PPP6C: variants seen among roughly 807,000 people sequenced by gnomAD.
PPP6C encodes protein phosphatase 6 catalytic subunit.
A neutral mutation model predicts 39.8 loss-of-function variants in PPP6C; 11 were observed. That is an observed-to-expected ratio of 0.28 (90% CI 0.17 to 0.46). PPP6C has a LOEUF of 0.46. PPP6C is among the 20% of genes least tolerant of loss of function. The probability of loss-of-function intolerance (pLI) is 1.00; values close to 1 mark genes in which losing one functional copy is unlikely to be tolerated. For missense variants in PPP6C, 211 were observed against 373.9 expected, an observed-to-expected ratio of 0.56 and a Z score of 3.59; for synonymous variants, 129 against 130.3, an observed-to-expected ratio of 0.99 and a Z score of 0.07.
chr9:125,188,815 A>AATAATAATAATG (rs1473427795), intron 1 of PPP6C: 19 of 394,970 alleles, frequency 4.8e-5, no homozygotes, highest in Non-Finnish European at 7.0e-5. Flanking sequence ...TAATAATAAT[A>AATAATAATAATG]ATAATTAAAA....
intron 6 of PPP6C, chr9:125,151,673 G>A (rs1835946238): frequency 1.9e-6 from 1 of 533,218 alleles, no homozygotes; most frequent in Non-Finnish European, 3.4e-6. Flanking sequence ...GAATTCAGCA[G>A]AAGACCCAGC....
At chr9:125,182,484 A>AGCT (rs1314124612) in intron 1 of PPP6C, among the ~76,000 whole-genome samples, 1 of 152,124 alleles carries the variant, frequency 6.6e-6, no homozygotes, top group Non-Finnish European at 1.5e-5. Context: ...TCAACTAGCT[A>AGCT]GCTAAGTAAC....
intron 1 of PPP6C, among the ~76,000 whole-genome samples, 172 bp from the exon 2 acceptor site, chr9:125,171,352 A>C (rs1021961161): frequency 2.6e-5 from 4 of 151,512 alleles, no homozygotes; most frequent in African/African-American, 9.7e-5. Flanking sequence ...TGTCACACAG[A>C]ATTCTTAATG....
chr9:125,158,460 C>T (rs1316656812), intron 3 of PPP6C, 78 bp from the exon 4 acceptor site: 6 of 1,365,718 alleles, frequency 4.4e-6, no homozygotes, highest in Non-Finnish European at 6.0e-6. Context: ...ACTGTACAAA[C>T]ATATAGTTTA....
Position 125,160,821 on chromosome 9 carries a change from T to C in PPP6C, c.237+20A>G, listed in dbSNP as rs753291041. On this transcript the variant is annotated intron_variant, in intron 3 of 6. Coordinates refer to ENST00000373547, the MANE Select transcript of PPP6C (RefSeq NM_002721.5). ...CTTTCCATTTTAAACAAGCACTTGA[T>C]ATCACTGGTGTTTACATACCATAAA... The C allele has an allele frequency of 4.0e-6, 6 of 1,512,104 alleles. No individual in the cohort carries two copies. Among genetic ancestry groups the C allele is most frequent in the Non-Finnish European group, 3.6e-6 (4 of 1,117,282 alleles). 93.7% of individuals were successfully genotyped at this position (1,512,104 alleles called of 1,614,324 possible). A position where few individuals can be genotyped will look rare whatever the true frequency, so the allele number is the denominator to read the frequency against.
At chr9:125,171,478 C>CACATATATATATAT (rs1171157245) in intron 1 of PPP6C, among the ~76,000 whole-genome samples, 10 of 83,506 alleles carry the variant, frequency 1.2e-4, no homozygotes, top group East Asian at 3.1e-4. Flanking sequence ...CACACACACA[C>CACATATATATATAT]ATATATATAT....
intron 4 of PPP6C, among the ~76,000 whole-genome samples, chr9:125,155,399 G>A (rs1486252834): frequency 2.6e-5 from 4 of 152,074 alleles, no homozygotes; most frequent in Admixed American, 6.6e-5. Context: ...ATATATCTAC[G>A]TGAAGCAAGA....
rs561922474 is a variant in PPP6C at position 125,184,136 on chromosome 9, C to T, written c.75+5508G>A. Among the ~76,000 whole-genome samples the T allele has an allele frequency of 4.5e-4, 69 of 152,062 alleles. 1 individual carries two copies. The highest frequency in any genetic ancestry group is 1.6e-3 in the African/African-American group (66 of 41,484). On this transcript the variant is annotated intron_variant, in intron 1 of 6. Transcript: ENST00000373547. ...GGCGCGGTGGCTAACGCCTATAATC[C>T]CTGCACTTTGGGAGGCCAAGGCGGG... is the stretch of plus-strand genomic sequence containing the variant.
At chr9:125,160,468 G>A (rs73579975) in intron 3 of PPP6C, among the ~76,000 whole-genome samples, 1 of 152,326 alleles carries the variant, frequency 6.6e-6, no homozygotes, top group East Asian at 1.9e-4. Flanking sequence ...ATGGGGGCAA[G>A]TCTTTCCTGT....
At chr9:125,180,890 C>T (rs573892371) in intron 1 of PPP6C, among the ~76,000 whole-genome samples, 1 of 152,266 alleles carries the variant, frequency 6.6e-6, no homozygotes, top group East Asian at 1.9e-4. Flanking sequence ...GAAACTCTGT[C>T]AATCTGAAAG....
At chr9:125,186,610 C>A (rs1341328548) in intron 1 of PPP6C, among the ~76,000 whole-genome samples, 1 of 151,472 alleles carries the variant, frequency 6.6e-6, no homozygotes, top group Non-Finnish European at 1.5e-5. Context: ...ATTAGCTGGT[C>A]ATGGGGGCAT....
At chr9:125,178,288 T>C (rs1829346501) in intron 1 of PPP6C, among the ~76,000 whole-genome samples, 1 of 152,214 alleles carries the variant, frequency 6.6e-6, no homozygotes, top group African/African-American at 2.4e-5. Flanking sequence ...AGAGTTCCTG[T>C]TGCTCCACAT....
intron 1 of PPP6C, 159 bp downstream of exon 1, chr9:125,189,485 G>A (rs1244917836): frequency 2.1e-6 from 3 of 1,448,894 alleles, no homozygotes; most frequent in African/African-American, 2.9e-5. Context: ...CGGCTCGCGA[G>A]ACCCTCGGCG....
At chr9:125,188,322 T>C (rs1422647469) in intron 1 of PPP6C, among the ~76,000 whole-genome samples, 1 of 151,270 alleles carries the variant, frequency 6.6e-6, no homozygotes, top group Non-Finnish European at 1.5e-5. Context: ...GAGGCGGAGG[T>C]TGCAGTGAGC....
intron 1 of PPP6C, 69 bp downstream of exon 1, chr9:125,189,575 T>TG: frequency 6.2e-7 from 1 of 1,605,128 alleles, no homozygotes; most frequent in Non-Finnish European, 8.5e-7. Context: ...GCGGGGGTCC[T>TG]GGAGAAAGGA....
At chr9:125,169,982 TC>T (rs1829108769) in intron 2 of PPP6C, among the ~76,000 whole-genome samples, 1 of 152,192 alleles carries the variant, frequency 6.6e-6, no homozygotes, top group African/African-American at 2.4e-5. Context: ...ACATTTCTGC[TC>T]ATTTACACAG....
chr9:125,150,505 G>T, intron 6 of PPP6C: 1 of 412,178 alleles, frequency 2.4e-6, no homozygotes. Flanking sequence ...GAAAACAGTT[G>T]AAAGTTCAAA....
intron 4 of PPP6C, among the ~76,000 whole-genome samples, chr9:125,157,533 A>G (rs545757778): frequency 6.6e-6 from 1 of 152,304 alleles, no homozygotes; most frequent in South Asian, 2.1e-4. Context: ...GTGTTTGTAC[A>G]TATATAAACA....
intron 2 of PPP6C, among the ~76,000 whole-genome samples, chr9:125,165,090 G>A (rs1224703960): frequency 6.6e-6 from 1 of 152,002 alleles, no homozygotes; most frequent in African/African-American, 2.4e-5. Context: ...AGTCTGCCCA[G>A]TAGTTCTCAA....
Sources: allele counts gnomAD v4.1 joint callset (sites outside exome capture counted in the v4.1 genomes callset), GRCh38; gene constraint gnomAD v4.1.1; transcripts MANE v1.5; gene names NCBI Gene and HGNC (gene_info 2026-07-23, HGNC 2026-07-21).